Variants in EFNA5 observed in about 807,000 individuals in gnomAD.
EFNA5 encodes ephrin A5, also known as ephrin-A5.
A neutral mutation model predicts 22.9 loss-of-function variants in EFNA5; 5 were observed. That is an observed-to-expected ratio of 0.22 (90% confidence interval 0.11 to 0.46). The LOEUF (loss-of-function observed/expected upper bound fraction) is 0.46. Ranked by LOEUF, EFNA5 falls within the 20% of genes least tolerant of loss-of-function variation. EFNA5 has a pLI of 0.99. For synonymous variants in EFNA5, 113 were observed against 112.2 expected (o/e 1.01, Z -0.04); for missense variants, 237 against 293.3 (o/e 0.81, Z 1.40).
intron 1 of EFNA5, among the ~76,000 whole-genome samples, chr5:107,497,981 T>A (rs913112529): frequency 5.9e-5 from 9 of 152,230 alleles, no homozygotes; most frequent in African/African-American, 2.2e-4. Context: ...AGTGGCGCGA[T>A]CTCGGCTTAC....
intron 2 of EFNA5, among the ~76,000 whole-genome samples, chr5:107,393,235 A>C (rs1747833666): frequency 6.6e-6 from 1 of 151,976 alleles, no homozygotes; most frequent in African/African-American, 2.4e-5. Context: ...CTACCAAAAA[A>C]CTCCTATTAG....
At chr5:107,576,220 T>C (rs2112490903) in intron 1 of EFNA5, among the ~76,000 whole-genome samples, 1 of 152,308 alleles carries the variant, frequency 6.6e-6, no homozygotes. Context: ...ATTATCATAC[T>C]CTTTTTAAGT....
At chr5:107,461,988 T>C (rs1407524560) in intron 1 of EFNA5, among the ~76,000 whole-genome samples, 1 of 152,186 alleles carries the variant, frequency 6.6e-6, no homozygotes, top group Non-Finnish European at 1.5e-5. Flanking sequence ...TAAATTCCAA[T>C]GTGCCCTGCA....
At chr5:107,654,373 T>C (rs1467444499) in intron 1 of EFNA5, among the ~76,000 whole-genome samples, 1 of 152,136 alleles carries the variant, frequency 6.6e-6, no homozygotes, top group East Asian at 1.9e-4. Flanking sequence ...TCAATTGCCA[T>C]AGAACTAACC....
intron 1 of EFNA5, among the ~76,000 whole-genome samples, chr5:107,457,829 T>C (rs1239017152): frequency 6.6e-6 from 1 of 152,204 alleles, no homozygotes; most frequent in East Asian, 1.9e-4. Context: ...AAAAACATAG[T>C]GATCCTCTGA....
At chr5:107,428,945 A>G (rs757121194) in intron 1 of EFNA5, among the ~76,000 whole-genome samples, 1 of 152,210 alleles carries the variant, frequency 6.6e-6, no homozygotes, top group Non-Finnish European at 1.5e-5. Context: ...ATATCTCTCT[A>G]TATCTTCCTT....
intron 1 of EFNA5, among the ~76,000 whole-genome samples, chr5:107,553,136 A>T (rs1748334617): frequency 6.6e-6 from 1 of 152,066 alleles, no homozygotes; most frequent in Admixed American, 6.5e-5. Flanking sequence ...AGAGAAAAAG[A>T]ACTGCCCCAG....
chr5:107,628,589 C>T (rs1451984047), intron 1 of EFNA5, among the ~76,000 whole-genome samples: 1 of 152,046 alleles, frequency 6.6e-6, no homozygotes, highest in East Asian at 1.9e-4. Context: ...CTAATCTATA[C>T]ATTATTGAAA....
intron 2 of EFNA5, among the ~76,000 whole-genome samples, chr5:107,399,762 G>A (rs578019332): frequency 6.6e-6 from 1 of 152,194 alleles, no homozygotes; most frequent in Non-Finnish European, 1.5e-5. Flanking sequence ...AACCACAGCA[G>A]AGCTTAAAAG....
chr5:107,388,235 C>T (rs1458698860), intron 2 of EFNA5, among the ~76,000 whole-genome samples: 3 of 152,142 alleles, frequency 2.0e-5, no homozygotes, highest in Admixed American at 1.3e-4. Context: ...TTAAACGTGA[C>T]CTATTTCTGC....
chr5:107,417,720 T>C (rs530170320), intron 2 of EFNA5, among the ~76,000 whole-genome samples: 2 of 152,306 alleles, frequency 1.3e-5, no homozygotes, highest in Admixed American at 6.5e-5. Flanking sequence ...AGAGATATTT[T>C]TTTAGCAAGC....
intron 2 of EFNA5, among the ~76,000 whole-genome samples, chr5:107,408,365 A>G (rs1748275006): frequency 6.6e-6 from 1 of 152,198 alleles, no homozygotes; most frequent in Non-Finnish European, 1.5e-5. Flanking sequence ...GCTCCTTACA[A>G]CCAATTTGAT....
At chr5:107,641,187 T>C (rs1340881661) in intron 1 of EFNA5, among the ~76,000 whole-genome samples, 1 of 151,796 alleles carries the variant, frequency 6.6e-6, no homozygotes, top group African/African-American at 2.4e-5. Flanking sequence ...GTGAAACCCA[T>C]CTCTACTAAA....
intron 1 of EFNA5, among the ~76,000 whole-genome samples, chr5:107,642,413 T>C (rs560325900): frequency 5.4e-5 from 8 of 149,070 alleles, no homozygotes; most frequent in Admixed American, 4.7e-4. Flanking sequence ...TATACACATA[T>C]ATCAAAATAT....
chr5:107,577,908 G>A (rs1748960189), intron 1 of EFNA5, among the ~76,000 whole-genome samples: 1 of 152,180 alleles, frequency 6.6e-6, no homozygotes, highest in African/African-American at 2.4e-5. Context: ...AGACATTGCT[G>A]TGGAAGACTT....
At chr5:107,505,158 T>G (rs1453585604) in intron 1 of EFNA5, among the ~76,000 whole-genome samples, 1 of 152,184 alleles carries the variant, frequency 6.6e-6, no homozygotes, top group Non-Finnish European at 1.5e-5. Context: ...CTGTTATATG[T>G]TAAGTAAAAA....
At chr5:107,589,333 C>G (rs1749268799) in intron 1 of EFNA5, among the ~76,000 whole-genome samples, 1 of 152,140 alleles carries the variant, frequency 6.6e-6, no homozygotes, top group Non-Finnish European at 1.5e-5. Context: ...TTCCCAGATC[C>G]TTTTCTATTC....
intron 1 of EFNA5, among the ~76,000 whole-genome samples, chr5:107,442,047 G>A (rs563619391): frequency 7.0e-4 from 107 of 152,152 alleles, no homozygotes; most frequent in Middle Eastern, 6.8e-3. Context: ...AAAACACCAG[G>A]TTATTTGCCT....
intron 1 of EFNA5, among the ~76,000 whole-genome samples, chr5:107,606,687 T>G (rs1749732581): frequency 6.6e-6 from 1 of 152,088 alleles, no homozygotes; most frequent in African/African-American, 2.4e-5. Flanking sequence ...TCCTCTTCCA[T>G]AAAATCAAGA....
Sources: gnomAD v4.1 joint callset for allele counts (sites outside exome capture counted in the v4.1 genomes callset) on GRCh38, gnomAD v4.1.1 for gene constraint, MANE v1.5 for transcripts, NCBI Gene and HGNC (gene_info 2026-07-23, HGNC 2026-07-21) for gene names.